The following CTNNA3 variants were observed in gnomAD, a reference collection of about 807,000 sequenced individuals.
CTNNA3 encodes the protein catenin alpha-3.
CTNNA3 carries 76 observed loss-of-function variants against 95.7 expected under a neutral mutation model. The observed-to-expected ratio is 0.79, with a 90% CI of 0.66 to 0.96. CTNNA3 has a LOEUF of 0.96. CTNNA3 is among the 40% of genes least tolerant of loss of function. CTNNA3 has a pLI of 0.00. For synonymous variants in CTNNA3, 431 were observed against 374.4 expected (o/e 1.15, Z -1.74); for missense variants, 1,191 against 1,089.8 (o/e 1.09, Z -1.31).
At position 66,657,506 on chromosome 10, in the gene CTNNA3, T is replaced by C. The variant is rs16923364; in HGVS notation, c.1282-35722A>G. On this transcript the variant is annotated intron_variant, in intron 9 of 17. Coordinates refer to ENST00000433211, the MANE Select transcript of CTNNA3 (RefSeq NM_013266.4). ...GTACGGTAAAGCTTACACCATCCAA[T>C]CTGAAGCAAATGACAAATTCCTGAC... Among the ~76,000 whole-genome samples, 1,419 of 152,232 alleles carry C rather than the reference T, an allele frequency of 9.3e-3. 74 individuals carry two copies. The East Asian group carries it at 0.12, about 12-fold the overall frequency.
At chr10:67,574,369 A>G (rs1842074302) in intron 3 of CTNNA3, among the ~76,000 whole-genome samples, 2 of 152,156 alleles carry the variant, frequency 1.3e-5, no homozygotes, top group South Asian at 4.2e-4. Flanking sequence ...TCTTCCTTCC[A>G]ATGTTTGATA....
In CTNNA3 at chr10:66,349,046, G is replaced by A. The variant is rs12768530; in HGVS notation, c.1732+30106C>T. On this transcript the variant is annotated intron_variant, in intron 12 of 17. Transcript: ENST00000433211. ...CAAACAGAAAACGGAAAAGTTGATG[G>A]GATATATTTGATTACATGTTCGTTA... Among the ~76,000 whole-genome samples the A allele has an allele frequency of 1.7e-3, 260 of 152,048 alleles. 4 individuals are homozygous for A. Among genetic ancestry groups the A allele is most frequent in the Non-Finnish European group, 2.3e-3 (159 of 67,932 alleles).
intron 10 of CTNNA3, among the ~76,000 whole-genome samples, chr10:66,615,536 AT>A (rs575680856): frequency 5.9e-5 from 9 of 151,914 alleles, no homozygotes; most frequent in African/African-American, 1.4e-4. Flanking sequence ...GTAAAAAAAT[AT>A]TTTTTATTGA....
At chr10:67,043,376 T>C (rs1453949768) in intron 7 of CTNNA3, among the ~76,000 whole-genome samples, 1 of 152,132 alleles carries the variant, frequency 6.6e-6, no homozygotes, top group Admixed American at 6.5e-5. Flanking sequence ...AGTGGTCTGC[T>C]CAATTAGCCA....
At chr10:67,118,344 T>G (rs765606274) in intron 7 of CTNNA3, among the ~76,000 whole-genome samples, 1 of 151,976 alleles carries the variant, frequency 6.6e-6, no homozygotes, top group Non-Finnish European at 1.5e-5. Flanking sequence ...CATCCATTCC[T>G]CTCCGATATC....
intron 11 of CTNNA3, among the ~76,000 whole-genome samples, chr10:66,496,495 T>A (rs1459408199): frequency 1.3e-5 from 2 of 152,118 alleles, no homozygotes; most frequent in Non-Finnish European, 2.9e-5. Context: ...TAAGTAGACA[T>A]TACATAAACC....
intron 7 of CTNNA3, among the ~76,000 whole-genome samples, chr10:66,957,457 CAT>C (rs10532387): frequency 0.54 from 48,251 of 88,794 alleles, 11,627 homozygotes; most frequent in East Asian, 0.65. Flanking sequence ...TATATATATG[CAT>C]ATATATATAT....
At chr10:66,720,800 T>C (rs2132635241) in intron 9 of CTNNA3, among the ~76,000 whole-genome samples, 1 of 152,106 alleles carries the variant, frequency 6.6e-6, no homozygotes, top group South Asian at 2.1e-4. Flanking sequence ...GCCACTGCAC[T>C]CCAGCCTGGG....
At chr10:67,583,965 C>A (rs1589454123) in intron 3 of CTNNA3, among the ~76,000 whole-genome samples, 1 of 152,052 alleles carries the variant, frequency 6.6e-6, no homozygotes. Context: ...TTTGTCTAAT[C>A]TTTTTTCAAG....
chr10:67,128,192 T>A (rs1214995845), intron 7 of CTNNA3, among the ~76,000 whole-genome samples: 2 of 152,150 alleles, frequency 1.3e-5, no homozygotes. Context: ...TCAAATATTA[T>A]TCTGGGTGTT....
intron 5 of CTNNA3, among the ~76,000 whole-genome samples, chr10:67,293,513 C>T (rs1460886146): frequency 6.6e-6 from 1 of 152,088 alleles, no homozygotes; most frequent in Non-Finnish European, 1.5e-5. Flanking sequence ...TTCTAAATTA[C>T]ACATTTTATT....
intron 7 of CTNNA3, among the ~76,000 whole-genome samples, chr10:67,020,015 CA>C (rs34565225): frequency 0.9 from 137,190 of 152,154 alleles, 62,287 homozygotes; most frequent in South Asian, 0.97. Flanking sequence ...ATACCAATAT[CA>C]ACTGCTTTCC....
intron 13 of CTNNA3, among the ~76,000 whole-genome samples, chr10:66,248,914 T>C (rs1372967992): frequency 6.6e-6 from 1 of 152,060 alleles, no homozygotes; most frequent in East Asian, 1.9e-4. Context: ...TACAAAGCTA[T>C]AGTAACCAAA....
chr10:67,287,674 C>G (rs761968757), intron 5 of CTNNA3, among the ~76,000 whole-genome samples: 1 of 152,146 alleles, frequency 6.6e-6, no homozygotes, highest in Non-Finnish European at 1.5e-5. Flanking sequence ...AGCCTTGAAA[C>G]GCTCATCAGA....
intron 4 of CTNNA3, among the ~76,000 whole-genome samples, chr10:67,531,962 G>A (rs10762171): frequency 0.4 from 60,021 of 151,544 alleles, 15,175 homozygotes; most frequent in African/African-American, 0.69. Context: ...GCCTGCTGCC[G>A]TCCATGTAAG....
intron 5 of CTNNA3, among the ~76,000 whole-genome samples, chr10:67,399,309 C>T (rs1166637865): frequency 6.6e-6 from 1 of 152,262 alleles, no homozygotes; most frequent in South Asian, 2.1e-4. Context: ...ACCACCTTTG[C>T]TCAAATTGTA....
intron 10 of CTNNA3, among the ~76,000 whole-genome samples, chr10:66,571,885 T>G (rs545338837): frequency 6.6e-6 from 1 of 152,324 alleles, no homozygotes; most frequent in South Asian, 2.1e-4. Flanking sequence ...ATGATTAATT[T>G]GTATAGAATC....
intron 13 of CTNNA3, among the ~76,000 whole-genome samples, chr10:66,158,227 A>G (rs1221899752): frequency 6.6e-6 from 1 of 152,100 alleles, no homozygotes; most frequent in Non-Finnish European, 1.5e-5. Context: ...TTGGTCATGA[A>G]ATCTTTGCCC....
At chr10:67,392,627 T>A (rs1434743635) in intron 5 of CTNNA3, among the ~76,000 whole-genome samples, 1 of 152,198 alleles carries the variant, frequency 6.6e-6, no homozygotes, top group African/African-American at 2.4e-5. Context: ...TGCGGCACTC[T>A]TCACAAGAGC....
Sources: allele counts gnomAD v4.1 joint callset (sites outside exome capture counted in the v4.1 genomes callset), GRCh38; gene constraint gnomAD v4.1.1; transcripts MANE v1.5; gene names NCBI Gene and HGNC (gene_info 2026-07-23, HGNC 2026-07-21).